The following ARHGEF1 variants were observed in gnomAD, a reference collection of about 807,000 sequenced individuals.
The protein encoded by ARHGEF1 is Rho guanine nucleotide exchange factor 1.
ARHGEF1 carries 40 observed loss-of-function variants against 119.7 expected under a neutral mutation model. That is an observed-to-expected ratio of 0.33 (90% CI 0.26 to 0.44). The LOEUF is 0.44. Ranked by LOEUF, ARHGEF1 falls within the 20% of genes least tolerant of loss-of-function variation. The pLI is 1.00. For synonymous variants in ARHGEF1, 494 were observed against 521.0 expected (o/e 0.95, Z 0.71); for missense variants, 976 against 1,268.3 (o/e 0.77, Z 3.50).
At chr19:41,884,317 G>GGCCGGAGCCCGGCAGGA in intron 1 of ARHGEF1, 1 of 1,182,778 alleles carries the variant, frequency 8.5e-7, no homozygotes, top group South Asian at 1.4e-5. Context: ...GAGTCGTCGG[G>GGCCGGAGCCCGGCAGGA]GCCGGAGCCC....
At position 41,916,067 on chromosome 19, in the gene ARHGEF1, T is replaced by C. The variant is rs1414453943; in HGVS notation, c.1866-7025T>C. 2.6e-5 allele frequency among the ~76,000 whole-genome samples: 4 copies of C among 151,792 alleles called. No homozygotes were observed. Among genetic ancestry groups the C allele is most frequent in the African/African-American group, 7.3e-5 (3 of 41,262 alleles). ...GCCCGCAGCCATGGCACCGAATGTG[T>C]GTGCGCATGTGAGCGAAGCGGTGTG... On this transcript the variant is annotated intron_variant, in intron 18 of 20. Transcript: ENST00000599589. This position sits in a 1 kb window ranked among gnomAD's most constrained non-coding sequence, Gnocchi z 5.4.
intron 14 of ARHGEF1, among the ~76,000 whole-genome samples, chr19:41,898,825 T>G (rs1183270704): frequency 1.3e-5 from 2 of 152,248 alleles, no homozygotes; most frequent in African/African-American, 2.4e-5. Context: ...TGCAATACAG[T>G]GCTGATGTTG....
chr19:41,907,353 C>A lies in ARHGEF1; in HGVS notation c.*266C>A. 6.5e-7 allele frequency: 1 copy of A among 1,535,132 alleles called. No homozygotes were observed. Among genetic ancestry groups the A allele is most frequent in the Non-Finnish European group, 8.7e-7 (1 of 1,146,542 alleles). Reference sequence around the variant, plus strand: ...GTGACCCGGGCCATCTCAGTATTGCCTGTGGGGGCCACCCCTCCACCCCCA... The same window carrying A: ...GTGACCCGGGCCATCTCAGTATTGCATGTGGGGGCCACCCCTCCACCCCCA... On this transcript the variant is annotated 3_prime_UTR_variant, in exon 29 of 29. Coordinates refer to ENST00000354532, the MANE Select transcript of ARHGEF1 (RefSeq NM_004706.4).
intron 1 of ARHGEF1, chr19:41,884,625 A>AT (rs2074266156): frequency 7.7e-7 from 1 of 1,295,800 alleles, no homozygotes; most frequent in African/African-American, 1.5e-5. Flanking sequence ...TCCATGTAAG[A>AT]TTTGGGTCTC....
At chr19:41,910,959 C>G (rs1555851192), downstream of ARHGEF1, among the ~76,000 whole-genome samples, 1 of 152,172 alleles carries the variant, frequency 6.6e-6, no homozygotes. The surrounding 1 kb of genome is among the most constrained non-coding windows in gnomAD (Gnocchi z 4.4). Context: ...AAGACTGGGA[C>G]TTACTAACAA....
Position 41,888,423 on chromosome 19 carries a change from C to T in ARHGEF1, c.111+145C>T, listed in dbSNP as rs2074327318. 2.5e-6 allele frequency: 2 copies of T among 786,180 alleles called. No individual in the cohort carries two copies. Among genetic ancestry groups the T allele is most frequent in the Admixed American group, 2.4e-5 (1 of 41,048 alleles). 48.7% of individuals were successfully genotyped at this position (786,180 alleles called of 1,614,324 possible). A position where few individuals can be genotyped will look rare whatever the true frequency, so the allele number is the denominator to read the frequency against. ...CTCCCTGGTACCTCCTTCCTCACCT[C>T]GCCGACCCCACACAGCAGCATAGAC... On this transcript the variant is annotated intron_variant, in intron 3 of 28. Coordinates refer to ENST00000354532, the MANE Select transcript of ARHGEF1 (RefSeq NM_004706.4). The surrounding 1 kb of genome is among the most constrained non-coding windows in gnomAD (Gnocchi z 5.1).
intron 18 of ARHGEF1, among the ~76,000 whole-genome samples, chr19:41,914,616 T>C (rs112019773): frequency 0.017 from 239 of 13,888 alleles, 23 homozygotes; most frequent in African/African-American, 0.058. Context: ...CTCCCTCCCC[T>C]TCCACCATCT....
At chr19:41,915,618 C>CA (rs1469133185) in intron 18 of ARHGEF1, among the ~76,000 whole-genome samples, 1 of 152,114 alleles carries the variant, frequency 6.6e-6, no homozygotes, top group African/African-American at 2.4e-5. Context: ...CCATGTCCCC[C>CA]ATCTCTGTCT....
At chr19:41,909,102 C>G (rs545229092), downstream of ARHGEF1, 1 of 1,231,860 alleles carries the variant, frequency 8.1e-7, no homozygotes, top group Non-Finnish European at 1.0e-6. This position sits in a 1 kb window ranked among gnomAD's most constrained non-coding sequence, Gnocchi z 5.2. Context: ...CGCAATTTAT[C>G]TGTCTCGGAG....
At chr19:41,885,915 G>A (rs1224886524) in intron 1 of ARHGEF1, among the ~76,000 whole-genome samples, 1 of 151,850 alleles carries the variant, frequency 6.6e-6, no homozygotes, top group African/African-American at 2.4e-5. Context: ...ACCACACCTG[G>A]CTATCTTTTG....
At chr19:41,897,253 G>T (rs2074520033) in intron 13 of ARHGEF1, 1 of 1,280,068 alleles carries the variant, frequency 7.8e-7, no homozygotes, top group Admixed American at 2.3e-5. Flanking sequence ...TTTGGTGGGT[G>T]CGGGGAGGTG....
chr19:41,919,423 A>C (rs2074824278), upstream of ARHGEF1, among the ~76,000 whole-genome samples: 1 of 152,180 alleles, frequency 6.6e-6, no homozygotes, highest in African/African-American at 2.4e-5. Context: ...AGGGCTGGAC[A>C]CACAGTATCA....
chr19:41,892,517 G>A lies in ARHGEF1; in HGVS notation c.368-86G>A. On this transcript the variant is annotated intron_variant, in intron 6 of 28. Coordinates refer to ENST00000354532, the MANE Select transcript of ARHGEF1 (RefSeq NM_004706.4). The surrounding 1 kb of genome is among the most constrained non-coding windows in gnomAD (Gnocchi z 6.3). ...CTTCTTGGCAGCGGCCTCAGGACGT[G>A]TGGCTGTTGGAGTCCAAGGGTGGGT... is the stretch of plus-strand genomic sequence containing the variant. 2 of 1,575,580 alleles carry A rather than the reference G, an allele frequency of 1.3e-6. No homozygotes were observed. Among genetic ancestry groups the A allele is most frequent in the Non-Finnish European group, 1.7e-6 (2 of 1,156,704 alleles).
intron 1 of ARHGEF1, among the ~76,000 whole-genome samples, chr19:41,924,402 C>T (rs1282830040): frequency 6.6e-6 from 1 of 152,088 alleles, no homozygotes; most frequent in Non-Finnish European, 1.5e-5. Context: ...GAGGCAAGTA[C>T]GTGCCTCATG....
Position 41,888,717 on chromosome 19 carries a change from C to G in ARHGEF1, c.112-35C>G, listed in dbSNP as rs782237978. The G allele has an allele frequency of 4.4e-6, 7 of 1,592,312 alleles. No homozygotes were observed. The highest frequency in any genetic ancestry group is 1.7e-4 in the Middle Eastern group (1 of 6,010). ...GGTCAACCCTAAGGCCCCTCCTCTT[C>G]TCCCCATTGTACTCACCCCTTCCTG... On this transcript the variant is annotated intron_variant, in intron 3 of 28. Transcript: ENST00000354532. The surrounding 1 kb of genome is among the most constrained non-coding windows in gnomAD (Gnocchi z 5.1).
At position 41,892,469 on chromosome 19, in the gene ARHGEF1, G is replaced by A. The variant is rs566159951; in HGVS notation, c.367+96G>A. ...GAGGCCGCACTCCCATGCTCTGCTC[G>A]GACAGCCGAGATTCATTCATTCCTT... On this transcript the variant is annotated intron_variant, in intron 6 of 28. Transcript: ENST00000354532. This position sits in a 1 kb window ranked among gnomAD's most constrained non-coding sequence, Gnocchi z 6.3. 10 of 1,597,122 alleles carry A rather than the reference G, an allele frequency of 6.3e-6. No homozygotes were observed. Among genetic ancestry groups the A allele is most frequent in the South Asian group, 5.5e-5 (5 of 90,568 alleles).
chr19:41,900,360 C>A (rs1599655026), intron 14 of ARHGEF1, among the ~76,000 whole-genome samples: 1 of 152,200 alleles, frequency 6.6e-6, no homozygotes, highest in Non-Finnish European at 1.5e-5. Flanking sequence ...GCACTAAATA[C>A]AACTGAGCAC....
chr19:41,892,117 G>C lies in ARHGEF1; in HGVS notation c.318G>C (p.Lys106Asn). ...FLDFYHSFLEKTAVLRVPVPP... is the reference protein window; with the variant it reads ...FLDFYHSFLENTAVLRVPVPP... The stretch of plus-strand genomic sequence containing the variant: ...ACTTCTACCACAGCTTCCTGGAGAA[G>C]ACAGCGGTGAGAGACCTTCAAGCTG... The change falls in exon 5 of 29, where the codon AAG becomes AAC. Residue 106 changes from lysine (K) to asparagine (N), a missense_variant. By Grantham distance (94) the Lys-to-Asn change is moderately conservative (BLOSUM62 0). Around this residue, in one of 3 missense-constraint regions of ARHGEF1, gnomAD observed 519 missense variants for 580.9 expected, o/e 0.89. Coordinates refer to ENST00000354532, the MANE Select transcript of ARHGEF1 (RefSeq NM_004706.4). The surrounding 1 kb of genome is among the most constrained non-coding windows in gnomAD (Gnocchi z 6.3). 6.2e-7 allele frequency: 1 copy of C among 1,612,736 alleles called. No individual in the cohort carries two copies. Among genetic ancestry groups the C allele is most frequent in the Non-Finnish European group, 8.5e-7 (1 of 1,179,098 alleles).
chr19:41,888,049 C>G lies in ARHGEF1; in HGVS notation c.-19-15C>G, dbSNP rs782229954. ...CCTCCCACCCTCCTAACCACAGCCCCTCCTCTTCCTCCAGCCCTGCAGAGC... is the reference window on the plus strand; with the variant it reads ...CCTCCCACCCTCCTAACCACAGCCCGTCCTCTTCCTCCAGCCCTGCAGAGC... On this transcript the variant is annotated splice_polypyrimidine_tract_variant and intron_variant, in intron 1 of 28. Coordinates refer to ENST00000354532, the MANE Select transcript of ARHGEF1 (RefSeq NM_004706.4). This position sits in a 1 kb window ranked among gnomAD's most constrained non-coding sequence, Gnocchi z 5.1. The G allele has an allele frequency of 6.2e-7, 1 of 1,611,778 alleles. No individual in the cohort carries two copies. Among genetic ancestry groups the G allele is most frequent in the East Asian group, 2.2e-5 (1 of 44,878 alleles).
Sources: gnomAD v4.1 joint callset for allele counts (sites outside exome capture counted in the v4.1 genomes callset) on GRCh38, gnomAD v4.1.1 for gene constraint, gnomAD v4.1.1 regional missense constraint, Gnocchi (gnomAD v3.1) non-coding constraint, MANE v1.5 for transcripts, NCBI Gene and HGNC (gene_info 2026-07-23, HGNC 2026-07-21) for gene names.